SUPT3H: variants seen among roughly 807,000 people sequenced by gnomAD.
The protein encoded by SUPT3H is SPT3 homolog, SAGA and STAGA complex component.
SUPT3H carries 44 observed loss-of-function variants against 44.3 expected under a neutral mutation model. That is an observed-to-expected ratio of 0.99 (90% CI 0.78 to 1.28). The LOEUF is 1.28. SUPT3H is among the 50% of genes most tolerant of loss of function. The pLI is 0.00. For missense variants in SUPT3H, 380 were observed against 387.1 expected (o/e 0.98, Z 0.15); for synonymous variants, 124 against 125.6 (o/e 0.99, Z 0.09).
intron 3 of SUPT3H, among the ~76,000 whole-genome samples, chr6:45,073,557 G>C (rs997681667): frequency 2.0e-5 from 3 of 151,880 alleles, no homozygotes; most frequent in African/African-American, 4.8e-5. Context: ...CTCCTTTGAT[G>C]GGATGCATCC....
intron 2 of SUPT3H, among the ~76,000 whole-genome samples, chr6:45,162,069 G>A (rs187126653): frequency 6.6e-6 from 1 of 151,936 alleles, no homozygotes; most frequent in Non-Finnish European, 1.5e-5. Context: ...AACTGACAAA[G>A]GTAATGCCAC....
chr6:45,204,958 G>GC (rs1763000731), intron 2 of SUPT3H, among the ~76,000 whole-genome samples: 1 of 151,990 alleles, frequency 6.6e-6, no homozygotes, highest in Admixed American at 6.6e-5. Flanking sequence ...TTCCTAACTT[G>GC]CTTGCTTAAC....
chr6:45,232,579 A>G (rs1447658603), intron 2 of SUPT3H, among the ~76,000 whole-genome samples: 1 of 152,128 alleles, frequency 6.6e-6, no homozygotes, highest in Non-Finnish European at 1.5e-5. Flanking sequence ...CAGTGGATTG[A>G]GCAGATGAGA....
chr6:45,248,006 A>G (rs1771674619), intron 2 of SUPT3H, among the ~76,000 whole-genome samples: 1 of 152,188 alleles, frequency 6.6e-6, no homozygotes, highest in Admixed American at 6.5e-5. Context: ...TAGTGCTAGA[A>G]TAACAGGACA....
rs1176371393 is a variant in SUPT3H at position 44,997,282 on chromosome 6, TTAGTCTA to T, written c.504+6364_504+6370del. Among the ~76,000 whole-genome samples, 9 of 151,960 alleles carry T rather than the reference TTAGTCTA, an allele frequency of 5.9e-5. No individual in the cohort carries two copies. In the East Asian group the frequency reaches 1.7e-3, roughly 29 times the overall value. Reference sequence around the variant, plus strand: ...GAAACAACTGAGCTATTTACAACATTTAGTCTATATCCAGGAACATAGTGCTTTTTCA... The same window carrying T: ...GAAACAACTGAGCTATTTACAACATTTATCCAGGAACATAGTGCTTTTTCA... On this transcript the variant is annotated intron_variant, in intron 6 of 10. Coordinates refer to ENST00000371459, the MANE Select transcript of SUPT3H (RefSeq NM_003599.4).
At chr6:44,949,820 C>CT (rs2153472278) in intron 9 of SUPT3H, among the ~76,000 whole-genome samples, 1 of 152,332 alleles carries the variant, frequency 6.6e-6, no homozygotes, top group South Asian at 2.1e-4. Context: ...AACTGGAACT[C>CT]TAATACACTG....
intron 1 of SUPT3H, among the ~76,000 whole-genome samples, chr6:45,368,715 C>A (rs1404963706): frequency 6.6e-6 from 1 of 152,084 alleles, no homozygotes; most frequent in Non-Finnish European, 1.5e-5. Flanking sequence ...TTCTATATTG[C>A]TGAAGAAAAC....
At chr6:44,997,862 CAT>C (rs1289609188) in intron 6 of SUPT3H, among the ~76,000 whole-genome samples, 1 of 151,684 alleles carries the variant, frequency 6.6e-6, no homozygotes, top group Non-Finnish European at 1.5e-5. Context: ...TGAATTTTGT[CAT>C]ATCTCTTTTT....
chr6:45,314,048 A>G (rs1340471170), intron 2 of SUPT3H, among the ~76,000 whole-genome samples: 1 of 152,190 alleles, frequency 6.6e-6, no homozygotes, highest in African/African-American at 2.4e-5. Context: ...AAATCACACA[A>G]TCATCTCAAT....
intron 2 of SUPT3H, among the ~76,000 whole-genome samples, chr6:45,233,862 A>C (rs144187477): frequency 6.6e-6 from 1 of 152,188 alleles, no homozygotes; most frequent in Non-Finnish European, 1.5e-5. Context: ...CCTTTCTATT[A>C]ACTCTTTTAG....
intron 6 of SUPT3H, among the ~76,000 whole-genome samples, chr6:44,988,032 TC>T (rs1274891057): frequency 6.6e-6 from 1 of 152,132 alleles, no homozygotes; most frequent in Non-Finnish European, 1.5e-5. Context: ...CTTATTTTTC[TC>T]CAGTTGTGTT....
At chr6:45,229,941 A>G (rs1221722394) in intron 2 of SUPT3H, among the ~76,000 whole-genome samples, 1 of 152,072 alleles carries the variant, frequency 6.6e-6, no homozygotes, top group Non-Finnish European at 1.5e-5. Context: ...CTAACTATAC[A>G]TTTGTACCCA....
At chr6:44,831,892 A>G (rs1768829913) in intron 10 of SUPT3H, among the ~76,000 whole-genome samples, 2 of 149,488 alleles carry the variant, frequency 1.3e-5, no homozygotes, top group Non-Finnish European at 3.0e-5. Context: ...CTTTGCAAAC[A>G]AAAGATTTTT....
At chr6:45,088,275 CTG>C (rs1796721755) in intron 3 of SUPT3H, among the ~76,000 whole-genome samples, 1 of 151,992 alleles carries the variant, frequency 6.6e-6, no homozygotes, top group African/African-American at 2.4e-5. Flanking sequence ...AGTGACAAAA[CTG>C]TATAAGGCAT....
rs150245496 is a variant in SUPT3H, at chr6:44,831,126, T to TC, written c.913-1270dup. 1.4e-3 allele frequency among the ~76,000 whole-genome samples: 216 copies of TC among 152,290 alleles called. 4 individuals are homozygous for TC. The East Asian group carries it at 0.041, about 29-fold the overall frequency. On this transcript the variant is annotated intron_variant, in intron 10 of 10. Transcript: ENST00000371459. Reference sequence around the variant, plus strand: ...AACTTGAAAACCTTCTCTCCAAATATCCTGCTTAAGAAGATTTACTGTGCT... The same window carrying TC: ...AACTTGAAAACCTTCTCTCCAAATATCCCTGCTTAAGAAGATTTACTGTGCT...
chr6:45,369,964 G>C (rs1563040967), intron 1 of SUPT3H, among the ~76,000 whole-genome samples: 1 of 152,160 alleles, frequency 6.6e-6, no homozygotes. Flanking sequence ...TATGAACACA[G>C]GGGTAGCAAG....
At chr6:45,128,555 TATAC>T (rs1197569827) in intron 2 of SUPT3H, among the ~76,000 whole-genome samples, 2,283 of 58,236 alleles carry the variant, frequency 0.039, 52 homozygotes, top group Non-Finnish European at 0.058. Flanking sequence ...TATATATATA[TATAC>T]ACACACACAC....
chr6:45,140,027 G>A lies in SUPT3H; in HGVS notation c.102-34021C>T, dbSNP rs573592849. On this transcript the variant is annotated intron_variant, in intron 2 of 10. Coordinates refer to ENST00000371459, the MANE Select transcript of SUPT3H (RefSeq NM_003599.4). Reference sequence around the variant, plus strand: ...TATCAGACTGGGGCAAGGTCTGAGCGGGGTACTATGGGAACAAGACCAGCC... The same window carrying A: ...TATCAGACTGGGGCAAGGTCTGAGCAGGGTACTATGGGAACAAGACCAGCC... Among the ~76,000 whole-genome samples, 279 of 152,228 alleles carry A rather than the reference G, an allele frequency of 1.8e-3. 1 individual carries two copies. Among genetic ancestry groups the A allele is most frequent in the African/African-American group, 6.2e-3 (258 of 41,524 alleles).
At chr6:45,171,124 G>A (rs140501955) in intron 2 of SUPT3H, among the ~76,000 whole-genome samples, 297 of 152,204 alleles carry the variant, frequency 2.0e-3, no homozygotes, top group African/African-American at 6.7e-3. Context: ...AGCTACTGGT[G>A]TATTTTAATT....
Sources: allele counts gnomAD v4.1 joint callset (sites outside exome capture counted in the v4.1 genomes callset), GRCh38; gene constraint gnomAD v4.1.1; transcripts MANE v1.5; gene names NCBI Gene and HGNC (gene_info 2026-07-23, HGNC 2026-07-21).